WDFY2: variants seen among roughly 807,000 people sequenced by gnomAD.
WDFY2 encodes WD repeat and FYVE domain containing 2, also known as WD repeat and FYVE domain-containing protein 2.
WDFY2 carries 36 observed loss-of-function variants against 56.4 expected under a neutral mutation model. The ratio of observed to expected loss-of-function variants is 0.64; its 90% CI spans 0.49 to 0.84. The LOEUF is 0.84. WDFY2 is among the 40% of genes least tolerant of loss of function. The probability of loss-of-function intolerance (pLI) is 0.00; values close to 1 mark genes in which losing one functional copy is unlikely to be tolerated. For synonymous variants in WDFY2, 176 were observed against 183.7 expected (o/e 0.96, Z 0.34); for missense variants, 444 against 512.2 (o/e 0.87, Z 1.29).
chr13:51,584,479 C>T lies in WDFY2; in HGVS notation c.-209C>T, dbSNP rs886655845. 4 of 614,736 alleles carry T rather than the reference C, an allele frequency of 6.5e-6. No homozygotes were observed. Among genetic ancestry groups the T allele is most frequent in the African/African-American group, 3.9e-5 (2 of 51,936 alleles). The allele number at this position is 614,736 out of a possible 1,614,324, so 38.1% of individuals were successfully genotyped here. On this transcript the variant is annotated 5_prime_UTR_variant, in exon 1 of 12. Coordinates refer to ENST00000298125, the MANE Select transcript of WDFY2 (RefSeq NM_052950.4). The stretch of plus-strand genomic sequence containing the variant: ...CTCCTCTTGTAGTGGCGCCGGCTTG[C>T]ATCCCAGGTCGTGGCGGTTTTGGTG...
rs574927961 is a variant in WDFY2, at chr13:51,714,432, C to T, written c.335-4766C>T. ...TCAGCCTCCCAAGTAGCTGGAATTA[C>T]AGGCGCTTGCCACCATGCCCGGCTA... On this transcript the variant is annotated intron_variant, in intron 4 of 11. Coordinates refer to ENST00000298125, the MANE Select transcript of WDFY2 (RefSeq NM_052950.4). 5.9e-5 allele frequency among the ~76,000 whole-genome samples: 9 copies of T among 152,218 alleles called. 1 individual carries two copies. The South Asian group carries it at 1.9e-3, about 32-fold the overall frequency.
At chr13:51,635,826 A>G (rs1955037674) in intron 1 of WDFY2, among the ~76,000 whole-genome samples, 1 of 152,256 alleles carries the variant, frequency 6.6e-6, no homozygotes, top group African/African-American at 2.4e-5. Flanking sequence ...TCAATATGTT[A>G]TTAGTCCTTC....
At chr13:51,725,331 G>A (rs370358306) in intron 5 of WDFY2, among the ~76,000 whole-genome samples, 12 of 152,220 alleles carry the variant, frequency 7.9e-5, no homozygotes, top group Admixed American at 3.3e-4. Flanking sequence ...TGATGGGGGC[G>A]AGACTTCCCC....
intron 3 of WDFY2, among the ~76,000 whole-genome samples, chr13:51,686,499 A>T (rs528503076): frequency 7.1e-4 from 108 of 152,280 alleles, no homozygotes; most frequent in African/African-American, 2.5e-3. Flanking sequence ...ACAATAATTT[A>T]AAAAACTCAT....
chr13:51,656,572 T>C (rs71436256), intron 1 of WDFY2, among the ~76,000 whole-genome samples: 2 of 152,024 alleles, frequency 1.3e-5, no homozygotes, highest in Non-Finnish European at 2.9e-5. Flanking sequence ...TCTTTTATTG[T>C]AAGTGAAAGT....
Position 51,766,508 on chromosome 13 carries a change from C to T in WDFY2, c.*6739C>T, listed in dbSNP as rs1395801612. 12 of 152,162 alleles carry T rather than the reference C, an allele frequency of 7.9e-5. No individual in the cohort carries two copies. Among genetic ancestry groups the T allele is most frequent in the African/African-American group, 2.4e-4 (10 of 41,412 alleles). 9.4% of individuals were successfully genotyped at this position (152,162 alleles called of 1,614,324 possible). A position where few individuals can be genotyped will look rare whatever the true frequency, so the allele number is the denominator to read the frequency against. ...GCCTGACATTGGAACAGATTTCTCCCGTGTGGTCTAGCTGGACCCCTCCGG... is the reference window on the plus strand; with the variant it reads ...GCCTGACATTGGAACAGATTTCTCCTGTGTGGTCTAGCTGGACCCCTCCGG... On this transcript the variant is annotated 3_prime_UTR_variant, in exon 12 of 12. Coordinates refer to ENST00000298125, the MANE Select transcript of WDFY2 (RefSeq NM_052950.4).
intron 3 of WDFY2, among the ~76,000 whole-genome samples, chr13:51,692,490 T>A (rs1951762781): frequency 1.3e-5 from 2 of 152,350 alleles, no homozygotes; most frequent in South Asian, 2.1e-4. Context: ...ATATGCTGGA[T>A]TACATTTATT....
intron 3 of WDFY2, among the ~76,000 whole-genome samples, chr13:51,695,856 G>C (rs985007737): frequency 1.3e-5 from 2 of 152,238 alleles, no homozygotes; most frequent in African/African-American, 2.4e-5. Context: ...GGGCTGCTTT[G>C]TTTACCTAAG....
At chr13:51,612,469 A>G (rs1954521426) in intron 1 of WDFY2, among the ~76,000 whole-genome samples, 1 of 152,218 alleles carries the variant, frequency 6.6e-6, no homozygotes, top group Non-Finnish European at 1.5e-5. Context: ...TCAAATTAAC[A>G]CTTAGAAGTC....
chr13:51,645,975 T>G (rs1955255120), intron 1 of WDFY2, among the ~76,000 whole-genome samples: 1 of 152,200 alleles, frequency 6.6e-6, no homozygotes, highest in Non-Finnish European at 1.5e-5. Flanking sequence ...CACTTACTGA[T>G]GAATGACACC....
intron 1 of WDFY2, among the ~76,000 whole-genome samples, chr13:51,596,785 A>G (rs563715824): frequency 6.6e-6 from 1 of 152,330 alleles, no homozygotes; most frequent in African/African-American, 2.4e-5. Context: ...AGGGGGTCTT[A>G]TCTCTGGTGC....
At chr13:51,756,487 G>C in intron 10 of WDFY2, 25 bp downstream of exon 10, 1 of 1,604,324 alleles carries the variant, frequency 6.2e-7, no homozygotes, top group Non-Finnish European at 8.5e-7. Context: ...CCTGCAGACC[G>C]CTTCAGGTTA....
intron 5 of WDFY2, among the ~76,000 whole-genome samples, chr13:51,725,513 C>G (rs1346215864): frequency 1.3e-5 from 2 of 152,056 alleles, no homozygotes; most frequent in Admixed American, 6.5e-5. Context: ...CAAAGTGAGA[C>G]ATTGAAACAT....
chr13:51,640,721 G>A (rs576929890), intron 1 of WDFY2, among the ~76,000 whole-genome samples: 47 of 151,674 alleles, frequency 3.1e-4, no homozygotes, highest in Non-Finnish European at 6.2e-4. Context: ...GTGGTGGTGG[G>A]TGCCTGTCAT....
At chr13:51,695,867 C>G (rs967951723) in intron 3 of WDFY2, among the ~76,000 whole-genome samples, 5 of 152,246 alleles carry the variant, frequency 3.3e-5, no homozygotes, top group Non-Finnish European at 7.3e-5. Context: ...TTTACCTAAG[C>G]AAGCCTGGAC....
At chr13:51,727,886 G>A in intron 6 of WDFY2, 96 bp downstream of exon 6, 1 of 1,150,448 alleles carries the variant, frequency 8.7e-7, no homozygotes, top group Non-Finnish European at 1.3e-6. Context: ...AAGTGGCAAA[G>A]TACAATCCAT....
intron 1 of WDFY2, among the ~76,000 whole-genome samples, chr13:51,659,433 T>TC (rs1313690983): frequency 6.6e-6 from 1 of 152,186 alleles, no homozygotes; most frequent in African/African-American, 2.4e-5. Flanking sequence ...TGGCCTATGA[T>TC]CCCCTGGCAG....
chr13:51,648,681 T>C (rs923537292), intron 1 of WDFY2, among the ~76,000 whole-genome samples: 3 of 152,160 alleles, frequency 2.0e-5, no homozygotes, highest in Non-Finnish European at 2.9e-5. Context: ...GGCACACTTA[T>C]ACCTATGTAA....
rs749503988 is a variant in WDFY2, at chr13:51,765,878, CAAG to C, written c.*6114_*6116del. ...CCTCAAAATGTTTACCTTTACAAGT[CAAG>C]AAGAGTATCTGACTTTCTTGGAAGT... On this transcript the variant is annotated 3_prime_UTR_variant, in exon 12 of 12. Transcript: ENST00000298125. 4 of 152,112 alleles carry C rather than the reference CAAG, an allele frequency of 2.6e-5. No homozygotes were observed. The highest frequency in any genetic ancestry group is 7.2e-5 in the African/African-American group (3 of 41,402). 9.4% of individuals were successfully genotyped at this position (152,112 alleles called of 1,614,324 possible).
Sources: gnomAD v4.1 joint callset for allele counts (sites outside exome capture counted in the v4.1 genomes callset) on GRCh38, gnomAD v4.1.1 for gene constraint, MANE v1.5 for transcripts, NCBI Gene and HGNC (gene_info 2026-07-23, HGNC 2026-07-21) for gene names.